The following MGAT4C variants were observed in gnomAD, a reference collection of about 807,000 sequenced individuals.
MGAT4C encodes MGAT4 family member C.
In MGAT4C, 19 loss-of-function variants were observed where a neutral mutation model predicts 40.1. The observed-to-expected ratio is 0.47, with a 90% CI of 0.33 to 0.70. The LOEUF is 0.70. MGAT4C is among the 30% of genes least tolerant of loss of function. The probability of loss-of-function intolerance (pLI) is 0.02; values close to 1 mark genes in which losing one functional copy is unlikely to be tolerated. For synonymous variants in MGAT4C, 181 were observed against 187.1 expected, an observed-to-expected ratio of 0.97 and a Z score of 0.27; for missense variants, 491 against 563.2, an observed-to-expected ratio of 0.87 and a Z score of 1.30.
intron 2 of MGAT4C, among the ~76,000 whole-genome samples, chr12:86,579,422 A>G (rs1213087468): frequency 2.6e-5 from 4 of 151,640 alleles, no homozygotes; most frequent in African/African-American, 9.7e-5. Flanking sequence ...AAGCAAAAAC[A>G]AAACTAATAA....
chr12:86,545,941 C>T (rs1194096978), intron 2 of MGAT4C, among the ~76,000 whole-genome samples: 1 of 151,900 alleles, frequency 6.6e-6, no homozygotes, highest in Admixed American at 6.6e-5. Context: ...TATTATAAAA[C>T]ATTTTCAAAA....
chr12:86,529,221 A>G (rs1421847149), intron 2 of MGAT4C, among the ~76,000 whole-genome samples: 1 of 152,114 alleles, frequency 6.6e-6, no homozygotes, highest in African/African-American at 2.4e-5. Context: ...GTGCTTGGCG[A>G]GAAGTATCTC....
At chr12:86,193,814 G>A (rs1889784715) in intron 1 of MGAT4C, among the ~76,000 whole-genome samples, 1 of 151,968 alleles carries the variant, frequency 6.6e-6, no homozygotes, top group South Asian at 2.1e-4. Context: ...GTAAATTGAG[G>A]TTTCATTTGT....
At chr12:86,510,802 A>C (rs189576418) in intron 2 of MGAT4C, among the ~76,000 whole-genome samples, 1 of 152,340 alleles carries the variant, frequency 6.6e-6, no homozygotes, top group African/African-American at 2.4e-5. Context: ...TAGCCTAAAT[A>C]TATATGCACC....
intron 1 of MGAT4C, among the ~76,000 whole-genome samples, chr12:86,796,679 C>T (rs1952129136): frequency 6.6e-6 from 1 of 151,768 alleles, no homozygotes; most frequent in Non-Finnish European, 1.5e-5. Context: ...ATGGGTGTAC[C>T]AGTTGTCAGC....
chr12:86,486,376 GCACACACA>G (rs59222713), intron 2 of MGAT4C, among the ~76,000 whole-genome samples: 6,868 of 139,964 alleles, frequency 0.049, 282 homozygotes, highest in African/African-American at 0.11. Flanking sequence ...GATCTATCAT[GCACACACA>G]CACACACACA....
chr12:86,725,341 C>T (rs986355579), intron 2 of MGAT4C, among the ~76,000 whole-genome samples: 10 of 152,144 alleles, frequency 6.6e-5, no homozygotes, highest in African/African-American at 2.2e-4. Flanking sequence ...CATCCTTAGC[C>T]TTAAACAACT....
chr12:86,671,172 T>G lies in MGAT4C; in HGVS notation c.-229+56037A>C, dbSNP rs181188746. The stretch of plus-strand genomic sequence containing the variant: ...TTAATGAGTTTTCTGAAATAGGCGA[T>G]TCTGATGATTCAGACAATTCTCATG... On this transcript the variant is annotated intron_variant, in intron 2 of 7. Coordinates refer to the MGAT4C transcript ENST00000548651. Among the ~76,000 whole-genome samples the G allele has an allele frequency of 8.7e-3, 1,322 of 152,358 alleles. 8 individuals carry two copies. Among genetic ancestry groups the G allele is most frequent in the Middle Eastern group, 0.017 (5 of 294 alleles).
intron 4 of MGAT4C, among the ~76,000 whole-genome samples, chr12:86,311,234 C>T (rs1402149408): frequency 6.6e-6 from 1 of 152,164 alleles, no homozygotes; most frequent in Non-Finnish European, 1.5e-5. Flanking sequence ...ATGGGATAGC[C>T]TATTGATGCT....
intron 1 of MGAT4C, among the ~76,000 whole-genome samples, chr12:86,192,994 G>A (rs574084101): frequency 6.6e-6 from 1 of 151,894 alleles, no homozygotes; most frequent in South Asian, 2.1e-4. Context: ...TTCTATTACT[G>A]TTTCACTTCT....
intron 2 of MGAT4C, among the ~76,000 whole-genome samples, chr12:86,499,812 A>G (rs1958305794): frequency 6.6e-6 from 1 of 152,024 alleles, no homozygotes; most frequent in Non-Finnish European, 1.5e-5. Context: ...CAACTAGAGA[A>G]GAGAAATAAA....
intron 3 of MGAT4C, among the ~76,000 whole-genome samples, chr12:86,413,023 T>C (rs1956636443): frequency 6.6e-6 from 1 of 152,200 alleles, no homozygotes; most frequent in African/African-American, 2.4e-5. Context: ...CTGTATTTTT[T>C]AATATATATT....
chr12:86,834,379 T>C (rs887447567), intron 1 of MGAT4C, among the ~76,000 whole-genome samples: 2 of 151,924 alleles, frequency 1.3e-5, no homozygotes, highest in African/African-American at 4.8e-5. Context: ...AAGAAGAAAG[T>C]AGGTGAGCAC....
At chr12:86,628,834 T>C (rs1244946022) in intron 2 of MGAT4C, among the ~76,000 whole-genome samples, 1 of 152,048 alleles carries the variant, frequency 6.6e-6, no homozygotes. Flanking sequence ...AGAAACTGCA[T>C]CAACTAAAGG....
intron 2 of MGAT4C, chr12:86,016,235 A>C (rs2136842024): frequency 6.6e-6 from 1 of 152,336 alleles, no homozygotes; most frequent in East Asian, 1.9e-4. Context: ...TAAAAGACAA[A>C]TGCGATGTTC....
At chr12:86,487,093 C>T (rs1191314781) in intron 2 of MGAT4C, among the ~76,000 whole-genome samples, 2 of 152,122 alleles carry the variant, frequency 1.3e-5, no homozygotes, top group Non-Finnish European at 2.9e-5. Context: ...AATAATTATG[C>T]TATCATGGTC....
Position 86,038,559 on chromosome 12 carries a change from T to TATTTATTTA in MGAT4C, c.-7+11114_-7+11115insTAAATAAAT, listed in dbSNP as rs770615116. 4.8e-4 allele frequency among the ~76,000 whole-genome samples: 72 copies of TATTTATTTA among 149,148 alleles called. 2 individuals are homozygous for TATTTATTTA. The highest frequency in any genetic ancestry group is 9.2e-4 in the Non-Finnish European group (61 of 66,552). On this transcript the variant is annotated intron_variant, in intron 2 of 4. Coordinates refer to ENST00000611864, the MANE Select transcript of MGAT4C (RefSeq NM_001351288.2). ...CCCTTGCTTTATTTATTTATTTATT[T>TATTTATTTA]ATTTATTTTTTTGCTTTCCATTTGC...
Position 86,783,917 on chromosome 12 carries a change from A to G in MGAT4C, c.-262+54749T>C, listed in dbSNP as rs549287790. Among the ~76,000 whole-genome samples the G allele has an allele frequency of 2.0e-4, 31 of 152,260 alleles. No individual in the cohort carries two copies. In the South Asian group the frequency reaches 6.0e-3, roughly 29 times the overall value. Reference sequence around the variant, plus strand: ...GTGGAAGACTTTATCAATCTTCCTTATAATACAGAAGGAAAAATTCACATG... The same window carrying G: ...GTGGAAGACTTTATCAATCTTCCTTGTAATACAGAAGGAAAAATTCACATG... On this transcript the variant is annotated intron_variant, in intron 1 of 7. Coordinates refer to the MGAT4C transcript ENST00000548651.
intron 2 of MGAT4C, among the ~76,000 whole-genome samples, chr12:86,705,252 A>G (rs1173575336): frequency 4.6e-5 from 7 of 150,854 alleles, no homozygotes; most frequent in Non-Finnish European, 1.5e-5. Flanking sequence ...CTATCTATCT[A>G]TCTATCTATC....
Sources: gnomAD v4.1 joint callset for allele counts (sites outside exome capture counted in the v4.1 genomes callset) on GRCh38, gnomAD v4.1.1 for gene constraint, MANE v1.5 for transcripts, NCBI Gene and HGNC (gene_info 2026-07-23, HGNC 2026-07-21) for gene names.